The following SORL1 variants were observed in gnomAD, a reference collection of about 807,000 sequenced individuals.
The protein encoded by SORL1 is sortilin related receptor 1.
Under a neutral mutation model 273.7 loss-of-function variants are expected in SORL1, and 127 were observed. The ratio of observed to expected loss-of-function variants is 0.46; its 90% confidence interval spans 0.40 to 0.54. The LOEUF (loss-of-function observed/expected upper bound fraction) is 0.54. Ranked by LOEUF, SORL1 falls within the 20% of genes least tolerant of loss-of-function variation. The pLI is 0.00. For synonymous variants in SORL1, 1,031 were observed against 1,067.4 expected (o/e 0.97, Z 0.66); for missense variants, 2,494 against 2,846.1 (o/e 0.88, Z 2.81).
intron 32 of SORL1, among the ~76,000 whole-genome samples, chr11:121,601,855 C>T (rs1863397928): frequency 1.3e-5 from 2 of 152,278 alleles, no homozygotes; most frequent in South Asian, 2.1e-4. Flanking sequence ...CAGTAGAATA[C>T]TTCTGTGATG....
chr11:121,490,477 C>T (rs1204944070), intron 5 of SORL1, among the ~76,000 whole-genome samples: 6 of 152,066 alleles, frequency 3.9e-5, no homozygotes, highest in Admixed American at 1.3e-4. Flanking sequence ...CAGTGGCTCA[C>T]GCCTGTAATC....
chr11:121,575,330 C>A (rs955254135), intron 24 of SORL1, among the ~76,000 whole-genome samples: 1 of 152,188 alleles, frequency 6.6e-6, no homozygotes, highest in Non-Finnish European at 1.5e-5. Flanking sequence ...TGCTGACCTC[C>A]GAAGGAGACA....
At chr11:121,572,032 A>G (rs1034924951) in intron 23 of SORL1, among the ~76,000 whole-genome samples, 1 of 152,232 alleles carries the variant, frequency 6.6e-6, no homozygotes, top group African/African-American at 2.4e-5. Context: ...TCTGGGTGGG[A>G]TAGAAGATGC....
At chr11:121,574,937 C>G (rs1198285709) in intron 24 of SORL1, among the ~76,000 whole-genome samples, 1 of 152,072 alleles carries the variant, frequency 6.6e-6, no homozygotes, top group African/African-American at 2.4e-5. Flanking sequence ...AAATCTGCAC[C>G]TCTGTGAACT....
chr11:121,549,215 C>T (rs777876657), intron 14 of SORL1, among the ~76,000 whole-genome samples: 1 of 151,882 alleles, frequency 6.6e-6, no homozygotes, highest in Non-Finnish European at 1.5e-5. Context: ...ACATTGAACC[C>T]CTAGTCAAAT....
At chr11:121,574,449 T>A (rs1361778870) in intron 24 of SORL1, 86 bp downstream of exon 24, 2 of 1,256,234 alleles carry the variant, frequency 1.6e-6, no homozygotes, top group Non-Finnish European at 2.3e-6. Context: ...ATGTACTGGT[T>A]TTCTGATAGC....
chr11:121,595,740 A>G lies in SORL1; in HGVS notation c.4487A>G (p.Asp1496Gly), dbSNP rs1372746139. The change falls in exon 32 of 48, where the codon GAT becomes GGT. Residue 1496 changes from aspartate to glycine, a missense_variant. Coordinates refer to ENST00000260197, the MANE Select transcript of SORL1 (RefSeq NM_003105.6). The surrounding 1 kb of genome is among the most constrained non-coding windows in gnomAD (Gnocchi z 5.1). Reference protein sequence around the residue: ...PNWKRCDGHQDCQDGRDEANC... With the variant: ...PNWKRCDGHQGCQDGRDEANC... ...TGGAAGCGCTGTGACGGCCACCAAG[A>G]TTGCCAGGATGGCCGGGACGAGGCC... The G allele has an allele frequency of 6.2e-7, 1 of 1,613,906 alleles. No individual in the cohort carries two copies. The highest frequency in any genetic ancestry group is 8.5e-7 in the Non-Finnish European group (1 of 1,180,030).
chr11:121,569,221 A>G (rs1862800018), intron 22 of SORL1, among the ~76,000 whole-genome samples: 1 of 152,194 alleles, frequency 6.6e-6, no homozygotes, highest in South Asian at 2.1e-4. Flanking sequence ...AGGAGGATGT[A>G]TGTCGCCTCA....
At position 121,596,796 on chromosome 11, in the gene SORL1, A is replaced by G. The variant is rs1863302829; in HGVS notation, c.4519+1024A>G. 6.6e-6 allele frequency among the ~76,000 whole-genome samples: 1 copy of G among 151,824 alleles called. No homozygotes were observed. Among genetic ancestry groups the G allele is most frequent in the Non-Finnish European group, 1.5e-5 (1 of 67,970 alleles). ...CCTAACCCTAAGCAGCAAACGCCTC[A>G]GTTCCTCCACTTTGATCCCTGTTCT... On this transcript the variant is annotated intron_variant, in intron 32 of 47. Coordinates refer to ENST00000260197, the MANE Select transcript of SORL1 (RefSeq NM_003105.6). The surrounding 1 kb of genome is among the most constrained non-coding windows in gnomAD (Gnocchi z 4.3).
chr11:121,481,027 TCTC>T (rs1356990388), intron 3 of SORL1, among the ~76,000 whole-genome samples: 2 of 110,760 alleles, frequency 1.8e-5, no homozygotes, highest in African/African-American at 7.8e-5. Context: ...GCAGGCTTCA[TCTC>T]CTCCTCCCCA....
rs918072962 is a variant in SORL1 at position 121,631,554 on chromosome 11, T to G, written c.*1991T>G. ...GGAAGTGTATTTTCTTTTCTTTTTC[T>G]GCCAACTTTTTGGTGGCATTTGTAA... is the stretch of plus-strand genomic sequence containing the variant. On this transcript the variant is annotated 3_prime_UTR_variant, in exon 48 of 48. Coordinates refer to ENST00000260197, the MANE Select transcript of SORL1 (RefSeq NM_003105.6). 3 of 152,216 alleles carry G rather than the reference T, an allele frequency of 2.0e-5. No individual in the cohort carries two copies. Among genetic ancestry groups the G allele is most frequent in the East Asian group, 3.8e-4 (2 of 5,202 alleles). The allele number at this position is 152,216 out of a possible 1,614,324, so 9.4% of individuals were successfully genotyped here.
At chr11:121,536,222 C>T (rs1217844502) in intron 12 of SORL1, among the ~76,000 whole-genome samples, 5 of 152,130 alleles carry the variant, frequency 3.3e-5, no homozygotes, top group African/African-American at 1.2e-4. Flanking sequence ...AAAGACTCCA[C>T]GCAGCAGAGC....
At position 121,563,726 on chromosome 11, in the gene SORL1, A is replaced by G. The variant is rs553798275; in HGVS notation, c.3050-3214A>G. 6.6e-6 allele frequency among the ~76,000 whole-genome samples: 1 copy of G among 152,238 alleles called. No individual in the cohort carries two copies. The highest frequency in any genetic ancestry group is 2.1e-4 in the South Asian group (1 of 4,824). ...GCTGGTTTTTAAATGGTATAACTGG[A>G]ATTTATTCTTTGTAAAGTGTGTTTT... On this transcript the variant is annotated intron_variant, in intron 21 of 47. Transcript: ENST00000260197. This position sits in a 1 kb window ranked among gnomAD's most constrained non-coding sequence, Gnocchi z 4.2.
intron 1 of SORL1, among the ~76,000 whole-genome samples, chr11:121,468,256 G>C (rs1422111506): frequency 6.6e-6 from 1 of 152,280 alleles, no homozygotes; most frequent in East Asian, 1.9e-4. Flanking sequence ...GGGGTGGACT[G>C]TGCGGGCTGG....
intron 19 of SORL1, 86 bp downstream of exon 19, chr11:121,557,491 A>T (rs1297188544): frequency 2.2e-5 from 23 of 1,027,252 alleles, no homozygotes; most frequent in Non-Finnish European, 3.2e-5. Flanking sequence ...CGGGACAAAA[A>T]CTCTGTTTCT....
intron 1 of SORL1, among the ~76,000 whole-genome samples, chr11:121,467,539 A>ATT (rs112850541): frequency 1.3e-4 from 19 of 150,426 alleles, no homozygotes; most frequent in African/African-American, 2.4e-4. Flanking sequence ...AACATGGGTG[A>ATT]TTTTTTTTTT....
chr11:121,589,599 T>C (rs925334812), intron 29 of SORL1, among the ~76,000 whole-genome samples: 3 of 152,186 alleles, frequency 2.0e-5, no homozygotes, highest in African/African-American at 7.2e-5. Flanking sequence ...GTTTATTTGA[T>C]CTCCTTTCCT....
intron 3 of SORL1, among the ~76,000 whole-genome samples, chr11:121,484,454 G>C (rs1160799257): frequency 6.6e-6 from 1 of 152,120 alleles, no homozygotes; most frequent in East Asian, 1.9e-4. Context: ...TTTTGAGAAA[G>C]ATTTTAAAGG....
chr11:121,536,889 G>A (rs1258047545), intron 12 of SORL1, among the ~76,000 whole-genome samples: 8 of 152,102 alleles, frequency 5.3e-5, no homozygotes, highest in Non-Finnish European at 1.2e-4. Flanking sequence ...GAAAACACTC[G>A]CAAAATCAAG....
Sources: allele counts gnomAD v4.1 joint callset (sites outside exome capture counted in the v4.1 genomes callset), GRCh38; gene constraint gnomAD v4.1.1; non-coding constraint Gnocchi (gnomAD v3.1); transcripts MANE v1.5; gene names NCBI Gene and HGNC (gene_info 2026-07-23, HGNC 2026-07-21).